Variants in MDM2 observed in about 807,000 individuals in gnomAD.
MDM2 encodes the protein MDM2 proto-oncogene.
MDM2 carries 11 observed loss-of-function variants against 64.3 expected under a neutral mutation model. The ratio of observed to expected loss-of-function variants is 0.17; its 90% CI spans 0.11 to 0.28. The LOEUF (loss-of-function observed/expected upper bound fraction) is 0.28. MDM2 is among the 10% of genes least tolerant of loss of function. The probability of loss-of-function intolerance (pLI) is 1.00; values close to 1 mark genes in which losing one functional copy is unlikely to be tolerated. For synonymous variants in MDM2, 194 were observed against 192.9 expected, an observed-to-expected ratio of 1.01 and a Z score of -0.05; for missense variants, 388 against 577.1, an observed-to-expected ratio of 0.67 and a Z score of 3.36.
In MDM2 at chr12:68,810,550, TC is replaced by T. The variant is rs1343702008; in HGVS notation, c.99+1262del. Among the ~76,000 whole-genome samples the T allele has an allele frequency of 2.0e-5, 3 of 151,092 alleles. No individual in the cohort carries two copies. The East Asian group carries it at 5.9e-4, about 30-fold the overall frequency. ...AATCTCGGCTCACTGCAATCTCCGT[TC>T]CCCGGGTTCACGCCATTCCCCTGCC... On this transcript the variant is annotated intron_variant, in intron 2 of 10. Coordinates refer to ENST00000258149, the MANE Select transcript of MDM2 (RefSeq NM_002392.6).
At chr12:68,831,215 A>AAGAAGGG (rs1882766576) in intron 8 of MDM2, among the ~76,000 whole-genome samples, 1 of 152,144 alleles carries the variant, frequency 6.6e-6, no homozygotes, top group Non-Finnish European at 1.5e-5. Flanking sequence ...TTTAATAGGC[A>AAGAAGGG]AGAAGGGAGA....
rs200582539 is a variant in MDM2 at position 68,808,195 on chromosome 12, C to G, written c.-283C>G. ...CGGTAGGGGGCGCGCACCGAGGCAC[C>G]GCGGCGAGCTTGGCTGCTTCTGGGG... On this transcript the variant is annotated 5_prime_UTR_variant, in exon 1 of 11. Transcript: ENST00000258149. 12 of 514,014 alleles carry G rather than the reference C, an allele frequency of 2.3e-5. No homozygotes were observed. The highest frequency in any genetic ancestry group is 4.1e-5 in the Non-Finnish European group (12 of 292,830). The allele number at this position is 514,014 out of a possible 1,614,324, so 31.8% of individuals were successfully genotyped here.
At chr12:68,813,726 T>C in intron 3 of MDM2, 98 bp downstream of exon 3, 197 of 683,918 alleles carry the variant, frequency 2.9e-4, no homozygotes, top group Non-Finnish European at 4.1e-4. Context: ...TATAGAAGGA[T>C]TTTTCATTAA....
chr12:68,816,756 A>G (rs1224881858), intron 3 of MDM2, 56 bp from the exon 4 acceptor site: 1 of 1,402,638 alleles, frequency 7.1e-7, no homozygotes, highest in East Asian at 2.3e-5. Flanking sequence ...TATTAAATGT[A>G]TTTACAACTA....
At position 68,808,419 on chromosome 12, in the gene MDM2, C is replaced by A; in HGVS notation, c.-59C>A. The A allele has an allele frequency of 6.2e-7, 1 of 1,612,984 alleles. No individual in the cohort carries two copies. Among genetic ancestry groups the A allele is most frequent in the East Asian group, 2.2e-5 (1 of 44,820 alleles). On this transcript the variant is annotated 5_prime_UTR_variant, in exon 1 of 11. Transcript: ENST00000258149. ...CCCAGGGCGTCGTGCTTCCGCGCGCCCCGTGAAGGAAACTGGGGAGTCTTG... is the reference window on the plus strand; with the variant it reads ...CCCAGGGCGTCGTGCTTCCGCGCGCACCGTGAAGGAAACTGGGGAGTCTTG...
At chr12:68,816,633 A>G (rs772845274) in intron 3 of MDM2, among the ~76,000 whole-genome samples, 179 bp from the exon 4 acceptor site, 2 of 152,192 alleles carry the variant, frequency 1.3e-5, no homozygotes, top group East Asian at 1.9e-4. Flanking sequence ...CTGGGATTAC[A>G]GGTGTGAGCC....
At chr12:68,820,426 C>A in intron 5 of MDM2, 52 bp downstream of exon 5, 1 of 1,406,106 alleles carries the variant, frequency 7.1e-7, no homozygotes, top group Non-Finnish European at 9.9e-7. Flanking sequence ...GTTTTAAAGA[C>A]ATTTTTGTTT....
Position 68,835,810 on chromosome 12 carries a change from TA to T in MDM2, c.685-18del. On this transcript the variant is annotated intron_variant, in intron 8 of 10. Coordinates refer to ENST00000258149, the MANE Select transcript of MDM2 (RefSeq NM_002392.6). The stretch of plus-strand genomic sequence containing the variant: ...AAGAGGTGATGTTTATTAAGTTATA[TA>T]TTTTTTTCTTGTTTTAGGATCTTGA... 2 of 1,607,718 alleles carry T rather than the reference TA, an allele frequency of 1.2e-6. No individual in the cohort carries two copies. The highest frequency in any genetic ancestry group is 2.2e-5 in the East Asian group (1 of 44,774).
At chr12:68,819,493 CT>C in intron 4 of MDM2, among the ~76,000 whole-genome samples, 1 of 152,074 alleles carries the variant, frequency 6.6e-6, no homozygotes, top group East Asian at 1.9e-4. Context: ...TAATAAGTTT[CT>C]TTTTTTTCTT....
chr12:68,819,040 G>C (rs900423456), intron 4 of MDM2, among the ~76,000 whole-genome samples: 1 of 152,012 alleles, frequency 6.6e-6, no homozygotes, highest in African/African-American at 2.4e-5. Flanking sequence ...TCTGAATATT[G>C]AATCTTCGGA....
chr12:68,849,104 T>A (rs934592293), downstream of MDM2: 5 of 151,484 alleles, frequency 3.3e-5, no homozygotes, highest in African/African-American at 1.2e-4. Flanking sequence ...TTTTTTTTTT[T>A]TTTTTGAGAT....
At chr12:68,812,735 C>T (rs912548620) in intron 2 of MDM2, among the ~76,000 whole-genome samples, 7 of 152,202 alleles carry the variant, frequency 4.6e-5, no homozygotes, top group Non-Finnish European at 1.0e-4. Flanking sequence ...AGGCAAGAGC[C>T]ACCTCTCCCA....
intron 2 of MDM2, among the ~76,000 whole-genome samples, chr12:68,812,021 C>T (rs930461493): frequency 1.3e-5 from 2 of 152,188 alleles, no homozygotes; most frequent in African/African-American, 2.4e-5. Context: ...GCTGGGATTA[C>T]AGACCTGAGC....
At chr12:68,831,323 A>C (rs1395624542) in intron 8 of MDM2, among the ~76,000 whole-genome samples, 1 of 152,196 alleles carries the variant, frequency 6.6e-6, no homozygotes, top group Non-Finnish European at 1.5e-5. Context: ...AGCCAGTTTT[A>C]TGTGACGGCT....
chr12:68,829,637 A>G (rs951081364), intron 8 of MDM2, among the ~76,000 whole-genome samples: 2 of 152,040 alleles, frequency 1.3e-5, no homozygotes, highest in Non-Finnish European at 2.9e-5. Flanking sequence ...GTGGTGGCGC[A>G]TGCTTGCAGT....
downstream of MDM2, chr12:68,848,572 G>C (rs1884486419): frequency 6.6e-6 from 1 of 152,204 alleles, no homozygotes; most frequent in South Asian, 2.1e-4. Flanking sequence ...TATGGTGTCA[G>C]AATTGTAAGA....
intron 8 of MDM2, among the ~76,000 whole-genome samples, chr12:68,829,250 A>G (rs1235212690): frequency 1.3e-5 from 2 of 150,750 alleles, no homozygotes; most frequent in Non-Finnish European, 3.0e-5. Context: ...AAATTGGAGT[A>G]TAGAGTTGTT....
chr12:68,830,416 T>G (rs935255610), intron 8 of MDM2, among the ~76,000 whole-genome samples: 2 of 152,234 alleles, frequency 1.3e-5, no homozygotes, highest in Non-Finnish European at 2.9e-5. Context: ...CTAGATGGCA[T>G]GATGAGCTCC....
At chr12:68,846,970 A>G (rs982555343), downstream of MDM2, 5 of 149,938 alleles carry the variant, frequency 3.3e-5, no homozygotes, top group African/African-American at 9.9e-5. Context: ...ATTAACCCCT[A>G]CTCCACCTTG....
Sources: allele counts gnomAD v4.1 joint callset (sites outside exome capture counted in the v4.1 genomes callset), GRCh38; gene constraint gnomAD v4.1.1; transcripts MANE v1.5; gene names NCBI Gene and HGNC (gene_info 2026-07-23, HGNC 2026-07-21).